Variants in TANC1 observed in about 807,000 individuals in gnomAD.
TANC1 encodes the protein tetratricopeptide repeat, ankyrin repeat and coiled-coil containing 1.
In TANC1, 77 loss-of-function variants were observed where a neutral mutation model predicts 149.7. That is an observed-to-expected ratio of 0.51 (90% CI 0.43 to 0.62). The LOEUF (loss-of-function observed/expected upper bound fraction) is 0.62, where lower values mean the gene tolerates loss of function less well. Among genes scored for constraint, TANC1 ranks in the 20% least tolerant of loss-of-function variants. The pLI, the probability that TANC1 is intolerant of heterozygous loss-of-function variation, is 0.00. For synonymous variants in TANC1, 854 were observed against 925.0 expected (o/e 0.92, Z 1.39); for missense variants, 1,985 against 2,321.8 (o/e 0.85, Z 2.98).
chr2:159,181,285 C>G (rs1575124424), intron 14 of TANC1, among the ~76,000 whole-genome samples: 1 of 151,184 alleles, frequency 6.6e-6, no homozygotes, highest in Non-Finnish European at 1.5e-5. Flanking sequence ...TCACTATACC[C>G]TCATTGGATT....
intron 1 of TANC1, among the ~76,000 whole-genome samples, chr2:158,986,230 T>G (rs2034986963): frequency 6.9e-6 from 1 of 145,032 alleles, no homozygotes; most frequent in Non-Finnish European, 1.5e-5. Flanking sequence ...GTATGATTTT[T>G]GGACTGGGAT....
At chr2:159,067,310 T>C (rs2042756712) in intron 3 of TANC1, among the ~76,000 whole-genome samples, 1 of 152,244 alleles carries the variant, frequency 6.6e-6, no homozygotes, top group African/African-American at 2.4e-5. Context: ...ACCTTAAAAG[T>C]AGAGCCTTTA....
intron 4 of TANC1, among the ~76,000 whole-genome samples, chr2:159,127,529 A>G (rs906948871): frequency 6.6e-6 from 1 of 152,264 alleles, no homozygotes; most frequent in Non-Finnish European, 1.5e-5. Context: ...GGCACTATTC[A>G]CAATAGTAAA....
At chr2:159,084,852 G>A (rs1041648645) in intron 3 of TANC1, among the ~76,000 whole-genome samples, 1 of 152,140 alleles carries the variant, frequency 6.6e-6, no homozygotes, top group Non-Finnish European at 1.5e-5. Context: ...ACAGTCCAGT[G>A]TGGTACTGTG....
At chr2:159,147,536 G>C (rs1162551059) in intron 5 of TANC1, 1 of 152,428 alleles carries the variant, frequency 6.6e-6, no homozygotes, top group East Asian at 1.9e-4. Flanking sequence ...GCTACCTTGA[G>C]AATCAAAATG....
chr2:158,997,896 A>C (rs1291980535), intron 1 of TANC1, among the ~76,000 whole-genome samples: 1 of 152,158 alleles, frequency 6.6e-6, no homozygotes, highest in Non-Finnish European at 1.5e-5. Flanking sequence ...CACTTCTAAG[A>C]GACAGAGTAT....
chr2:159,153,148 G>A (rs778300443), intron 7 of TANC1, among the ~76,000 whole-genome samples: 7 of 152,216 alleles, frequency 4.6e-5, no homozygotes, highest in Non-Finnish European at 1.0e-4. Flanking sequence ...ATTAAGGAAA[G>A]AGAAGTGTTG....
intron 19 of TANC1, among the ~76,000 whole-genome samples, chr2:159,210,505 A>G (rs1310760038): frequency 6.6e-6 from 1 of 152,190 alleles, no homozygotes; most frequent in Admixed American, 6.5e-5. Flanking sequence ...TTTATGGTGC[A>G]AAAAGCTCTC....
chr2:158,969,245 C>G (rs1438643191), intron 1 of TANC1, among the ~76,000 whole-genome samples: 1 of 151,844 alleles, frequency 6.6e-6, no homozygotes, highest in Non-Finnish European at 1.5e-5. Context: ...GGAGGCGCGC[C>G]TGGCACCGCG....
intron 2 of TANC1, among the ~76,000 whole-genome samples, chr2:159,009,261 G>A (rs985507565): frequency 6.6e-6 from 1 of 152,152 alleles, no homozygotes; most frequent in African/African-American, 2.4e-5. Context: ...CCACTACTGA[G>A]TATATATCCC....
intron 2 of TANC1, among the ~76,000 whole-genome samples, chr2:159,014,213 T>C (rs1050857930): frequency 6.6e-6 from 1 of 152,112 alleles, no homozygotes; most frequent in South Asian, 2.1e-4. Flanking sequence ...GGGCTTACAG[T>C]TCCACATGGC....
intron 1 of TANC1, among the ~76,000 whole-genome samples, chr2:158,979,525 T>C (rs1559093618): frequency 1.3e-5 from 2 of 151,880 alleles, no homozygotes; most frequent in Non-Finnish European, 2.9e-5. Context: ...AAAAAAAACT[T>C]ACCGTTTTCA....
chr2:159,095,474 C>T (rs1374212401), intron 3 of TANC1, among the ~76,000 whole-genome samples: 7 of 152,224 alleles, frequency 4.6e-5, no homozygotes, highest in Non-Finnish European at 8.8e-5. Flanking sequence ...CGCTGTGGCT[C>T]ATGCCTGTAA....
At chr2:158,983,189 A>G (rs903161286) in intron 1 of TANC1, among the ~76,000 whole-genome samples, 2 of 152,128 alleles carry the variant, frequency 1.3e-5, no homozygotes, top group Non-Finnish European at 2.9e-5. Context: ...TGTTTTAGCC[A>G]GGCACGGTGG....
chr2:159,079,420 C>A (rs2044040724), intron 3 of TANC1, among the ~76,000 whole-genome samples: 1 of 136,412 alleles, frequency 7.3e-6, no homozygotes, highest in African/African-American at 2.8e-5. Flanking sequence ...ACAGTTACAT[C>A]ATCAATAGCT....
At position 159,229,884 on chromosome 2, in the gene TANC1, A is replaced by C. The variant is rs143241176; in HGVS notation, c.4458A>C (p.Ser1486=). Residue 1486 remains serine, a synonymous_variant, in exon 27 of 27, where the codon TCA becomes TCC. Coordinates refer to ENST00000263635, the MANE Select transcript of TANC1 (RefSeq NM_033394.3). The part of the protein sequence containing the change: ...RSQPSSSVPS[S]YIRNLQEGLQ... ...AGCCATCCTCATCTGTCCCTTCCTCATACATCCGAAACCTTCAAGAAGGGT... is the reference window on the plus strand; with the variant it reads ...AGCCATCCTCATCTGTCCCTTCCTCCTACATCCGAAACCTTCAAGAAGGGT... The C allele has an allele frequency of 8.6e-3, 13,922 of 1,614,098 alleles. 78 individuals carry two copies. The highest frequency in any genetic ancestry group is 9.7e-3 in the Non-Finnish European group (11,461 of 1,180,036).
intron 2 of TANC1, among the ~76,000 whole-genome samples, chr2:159,047,466 A>T (rs1484452725): frequency 6.6e-6 from 1 of 152,138 alleles, no homozygotes; most frequent in Non-Finnish European, 1.5e-5. Context: ...CTAAAAGAAA[A>T]TTCAAGCTGG....
chr2:158,989,066 G>GA (rs1367072289), intron 1 of TANC1, among the ~76,000 whole-genome samples: 3 of 152,152 alleles, frequency 2.0e-5, no homozygotes, highest in African/African-American at 4.8e-5. Flanking sequence ...TGTTCACAGG[G>GA]AGAGCACACT....
intron 20 of TANC1, 108 bp downstream of exon 20, chr2:159,217,738 C>T (rs75706303): frequency 0.021 from 28,853 of 1,404,056 alleles, 455 homozygotes; most frequent in South Asian, 0.048. Flanking sequence ...CTGTCTGTTC[C>T]CCATCCTCGG....
Sources: gnomAD v4.1 joint callset for allele counts (sites outside exome capture counted in the v4.1 genomes callset) on GRCh38, gnomAD v4.1.1 for gene constraint, MANE v1.5 for transcripts, NCBI Gene and HGNC (gene_info 2026-07-23, HGNC 2026-07-21) for gene names.